The following SBF2 variants were observed in gnomAD, a reference collection of about 807,000 sequenced individuals.
The protein encoded by SBF2 is SET binding factor 2.
Under a neutral mutation model 225.2 loss-of-function variants are expected in SBF2, and 112 were observed. That is an observed-to-expected ratio of 0.50 (90% confidence interval 0.43 to 0.58). SBF2 has a LOEUF of 0.58. SBF2 is among the 20% of genes least tolerant of loss of function. The pLI, the probability that SBF2 is intolerant of heterozygous loss-of-function variation, is 0.00. For synonymous variants in SBF2, 763 were observed against 773.3 expected (o/e 0.99, Z 0.22); for missense variants, 1,996 against 2,206.2 (o/e 0.90, Z 1.91).
In SBF2 at chr11:10,218,519, T is replaced by G. The variant is rs181385166; in HGVS notation, c.56-24532A>C. Among the ~76,000 whole-genome samples the G allele has an allele frequency of 1.3e-3, 202 of 152,104 alleles. 3 individuals carry two copies. The highest frequency in any genetic ancestry group is 0.01 in the Admixed American group (154 of 15,280). ...CCTTCCCAGCAGTCCACCAAAGTCT[T>G]AACTCATTTCAGCATTAACTCAAAA... On this transcript the variant is annotated intron_variant, in intron 1 of 39. Coordinates refer to ENST00000256190, the MANE Select transcript of SBF2 (RefSeq NM_030962.4).
intron 2 of SBF2, among the ~76,000 whole-genome samples, chr11:10,151,311 G>C (rs555115249): frequency 6.6e-6 from 1 of 152,140 alleles, no homozygotes; most frequent in African/African-American, 2.4e-5. Context: ...GCTGATTAGG[G>C]AGGAAGAGCA....
chr11:10,197,661 T>C (rs574339126), intron 1 of SBF2, among the ~76,000 whole-genome samples: 31 of 152,326 alleles, frequency 2.0e-4, no homozygotes, highest in Non-Finnish European at 4.0e-4. Flanking sequence ...AATTTATCCA[T>C]AGCATGCAAT....
intron 6 of SBF2, among the ~76,000 whole-genome samples, chr11:10,011,216 CTTTTGT>C (rs1191552929): frequency 5.3e-5 from 8 of 151,882 alleles, no homozygotes; most frequent in Admixed American, 2.0e-4. Flanking sequence ...TAAGGATTTC[CTTTTGT>C]TTTTATTTTT....
intron 2 of SBF2, among the ~76,000 whole-genome samples, chr11:10,139,044 T>TA (rs1954523894): frequency 6.6e-6 from 1 of 151,972 alleles, no homozygotes; most frequent in South Asian, 2.1e-4. Context: ...ACTCATATAA[T>TA]AAAAAAGTAT....
chr11:10,277,072 A>C lies in SBF2; in HGVS notation c.55+16943T>G, dbSNP rs76856543. Among the ~76,000 whole-genome samples, 47 of 151,362 alleles carry C rather than the reference A, an allele frequency of 3.1e-4. No individual in the cohort carries two copies. The East Asian group carries it at 8.8e-3, about 28-fold the overall frequency. Reference sequence around the variant, plus strand: ...CATAGGGAGACCCCATCTCTACAAAAAACTTTAAAAAGATAGTGCCACTGC... The same window carrying C: ...CATAGGGAGACCCCATCTCTACAAACAACTTTAAAAAGATAGTGCCACTGC... On this transcript the variant is annotated intron_variant, in intron 1 of 39. Transcript: ENST00000256190.
intron 1 of SBF2, among the ~76,000 whole-genome samples, chr11:10,257,415 C>A (rs1960955473): frequency 6.6e-6 from 1 of 152,102 alleles, no homozygotes; most frequent in Non-Finnish European, 1.5e-5. Context: ...CCTGCAATCC[C>A]AACACTTTGA....
intron 16 of SBF2, among the ~76,000 whole-genome samples, chr11:9,954,122 T>C (rs901212121): frequency 6.6e-6 from 1 of 152,308 alleles, no homozygotes; most frequent in South Asian, 2.1e-4. Flanking sequence ...AACAGTGCTA[T>C]AAAAAATTAC....
chr11:10,291,409 C>T (rs1242562703), intron 1 of SBF2, among the ~76,000 whole-genome samples: 1 of 152,138 alleles, frequency 6.6e-6, no homozygotes, highest in Admixed American at 6.5e-5. Context: ...TTCTCTGCCT[C>T]CAGACTGTGA....
chr11:9,784,128 G>C (rs1590074456), intron 38 of SBF2, among the ~76,000 whole-genome samples: 2 of 152,272 alleles, frequency 1.3e-5, no homozygotes, highest in Middle Eastern at 6.8e-3. Flanking sequence ...TGCTGCCTCT[G>C]CCTGCATGTA....
At chr11:9,855,583 G>A (rs955678525) in intron 19 of SBF2, among the ~76,000 whole-genome samples, 2 of 152,170 alleles carry the variant, frequency 1.3e-5, no homozygotes, top group African/African-American at 2.4e-5. Context: ...TTAATCATCT[G>A]TTCAACCAAA....
rs1293920384 is a variant in SBF2 at position 9,785,272 on chromosome 11, A to G, written c.5084T>C (p.Leu1695Pro). ...SRSPGIVSTN[L>P]PSYQKRSLLH... ...CAGAGACCTCTTCTGATAGGAAGGT[A>G]GGTTGGTAGACACAATTCCTGGGGA... Residue 1695 changes from leucine (L) to proline (P), a missense_variant, in exon 37 of 40, where the codon CTA (leucine) becomes CCA (proline). By Grantham distance (98) the Leu-to-Pro change is moderately conservative. Transcript: ENST00000256190. 1 of 1,614,200 alleles carries G rather than the reference A, an allele frequency of 6.2e-7. No individual in the cohort carries two copies. Among genetic ancestry groups the G allele is most frequent in the Non-Finnish European group, 8.5e-7 (1 of 1,180,012 alleles).
chr11:9,940,121 A>T (rs928235349), intron 16 of SBF2, among the ~76,000 whole-genome samples: 1 of 152,146 alleles, frequency 6.6e-6, no homozygotes, highest in Non-Finnish European at 1.5e-5. Flanking sequence ...CACTATGCTA[A>T]GGCCGGGCGC....
intron 17 of SBF2, among the ~76,000 whole-genome samples, chr11:9,866,683 G>C (rs1214479337): frequency 6.6e-6 from 1 of 152,246 alleles, no homozygotes; most frequent in East Asian, 1.9e-4. Flanking sequence ...GATTTCTTGG[G>C]CAAGACCTCA....
chr11:10,264,252 C>G (rs1232355440), intron 1 of SBF2, among the ~76,000 whole-genome samples: 1 of 152,148 alleles, frequency 6.6e-6, no homozygotes, highest in Admixed American at 6.5e-5. Context: ...CTTCTCTAAT[C>G]CAAATACTCA....
At chr11:10,021,706 T>C (rs1384057669) in intron 6 of SBF2, among the ~76,000 whole-genome samples, 1 of 152,234 alleles carries the variant, frequency 6.6e-6, no homozygotes, top group African/African-American at 2.4e-5. Context: ...AAGGATCTTA[T>C]AGTCTTATCT....
At chr11:9,952,253 C>T (rs778685133) in intron 16 of SBF2, among the ~76,000 whole-genome samples, 1 of 72,306 alleles carries the variant, frequency 1.4e-5, no homozygotes, top group Non-Finnish European at 3.2e-5. Flanking sequence ...AATACACAAA[C>T]AAACAAACAA....
intron 36 of SBF2, among the ~76,000 whole-genome samples, chr11:9,786,483 CT>C (rs1457253182): frequency 9.2e-5 from 14 of 152,186 alleles, no homozygotes; most frequent in African/African-American, 3.4e-4. Context: ...TCCTGAATTG[CT>C]ATTTGAGGGT....
At chr11:10,196,862 A>ATTT (rs1208099879) in intron 1 of SBF2, among the ~76,000 whole-genome samples, 376 of 22,004 alleles carry the variant, frequency 0.017, 8 homozygotes, top group Non-Finnish European at 0.033. Flanking sequence ...ATATATATAT[A>ATTT]TATATTTTTT....
intron 16 of SBF2, among the ~76,000 whole-genome samples, chr11:9,936,789 C>G (rs1024664359): frequency 6.6e-6 from 1 of 152,132 alleles, no homozygotes. Context: ...ACATCACACA[C>G]TGGGGCCTGT....
Sources: allele counts gnomAD v4.1 joint callset (sites outside exome capture counted in the v4.1 genomes callset), GRCh38; gene constraint gnomAD v4.1.1; transcripts MANE v1.5; gene names NCBI Gene and HGNC (gene_info 2026-07-23, HGNC 2026-07-21).